The following WNT7B variants were observed in gnomAD, a reference collection of about 807,000 sequenced individuals.
The protein encoded by WNT7B is Wnt family member 7B.
Under a neutral mutation model 38.2 loss-of-function variants are expected in WNT7B, and 19 were observed. That is an observed-to-expected ratio of 0.50 (90% CI 0.35 to 0.73). The LOEUF is 0.73. Ranked by LOEUF, WNT7B falls within the 30% of genes least tolerant of loss-of-function variation. WNT7B has a pLI of 0.01. For missense variants in WNT7B, 423 were observed against 507.9 expected, an observed-to-expected ratio of 0.83 and a Z score of 1.61; for synonymous variants, 243 against 209.3, an observed-to-expected ratio of 1.16 and a Z score of -1.39.
At chr22:45,972,078 C>A in intron 1 of WNT7B, 1 of 539,518 alleles carries the variant, frequency 1.9e-6, no homozygotes, top group South Asian at 2.3e-5. Context: ...TGCCGCGTTC[C>A]CTGCCCGCCC....
At chr22:45,928,634 T>TCTCCCCAAGGGCCAGTCCTGC (rs139335729) in intron 3 of WNT7B, among the ~76,000 whole-genome samples, 11,051 of 151,902 alleles carry the variant, frequency 0.073, 466 homozygotes, top group Middle Eastern at 0.17. Flanking sequence ...CCACCTCCTG[T>TCTCCCCAAGGGCCAGTCCTGC]CTCCATTTCC....
intron 2 of WNT7B, among the ~76,000 whole-genome samples, chr22:45,937,221 C>T (rs940945413): frequency 1.3e-5 from 2 of 152,176 alleles, no homozygotes; most frequent in African/African-American, 4.8e-5. Flanking sequence ...AATGGGGGAT[C>T]CAGGACATGA....
intron 1 of WNT7B, among the ~76,000 whole-genome samples, chr22:45,957,784 C>T (rs375113352): frequency 6.6e-6 from 1 of 151,830 alleles, no homozygotes; most frequent in African/African-American, 2.4e-5. Flanking sequence ...GTGCCTAGCC[C>T]GCACGGGGGG....
rs1463408937 is a variant in WNT7B at position 45,922,955 on chromosome 22, C to T, written c.951G>A (p.Gln317=). ...MCCGRGYNTH[Q]YTKVWQCNCK... The stretch of plus-strand genomic sequence containing the variant: ...AGTTGCACTGCCACACCTTGGTGTA[C>T]TGGTGGGTGTTGTAGCCTCGGCCGC... The change falls in exon 4 of 4, where the codon CAG becomes CAA. Residue 317 remains glutamine (Q), a synonymous_variant. Coordinates refer to ENST00000339464, the MANE Select transcript of WNT7B (RefSeq NM_058238.3). 1 of 1,613,434 alleles carries T rather than the reference C, an allele frequency of 6.2e-7. No individual in the cohort carries two copies. Among genetic ancestry groups the T allele is most frequent in the Non-Finnish European group, 8.5e-7 (1 of 1,179,868 alleles).
intron 2 of WNT7B, among the ~76,000 whole-genome samples, chr22:45,937,304 G>A (rs1030178101): frequency 6.6e-6 from 1 of 152,260 alleles, no homozygotes; most frequent in Non-Finnish European, 1.5e-5. Flanking sequence ...TGGAAGCAAG[G>A]GGGAGGCTCA....
chr22:45,964,560 G>A (rs1932271120), intron 1 of WNT7B, among the ~76,000 whole-genome samples: 1 of 152,156 alleles, frequency 6.6e-6, no homozygotes, highest in Admixed American at 6.5e-5. Flanking sequence ...CAGTGGTGAA[G>A]TCACCCTGGG....
Position 45,975,606 on chromosome 22 carries a change from C to T in WNT7B, c.71+1078G>A, listed in dbSNP as rs1172886835. The T allele has an allele frequency of 1.7e-5, 12 of 716,084 alleles. No homozygotes were observed. Among genetic ancestry groups the T allele is most frequent in the African/African-American group, 3.5e-5 (2 of 57,260 alleles). The allele number at this position is 716,084 out of a possible 1,614,324, so 44.4% of individuals were successfully genotyped here. On this transcript the variant is annotated intron_variant, in intron 1 of 3. Coordinates refer to ENST00000339464, the MANE Select transcript of WNT7B (RefSeq NM_058238.3). This position sits in a 1 kb window ranked among gnomAD's most constrained non-coding sequence, Gnocchi z 6.6. Reference sequence around the variant, plus strand: ...ATGGAGAGACGATTCCCAGCGCCTGCTTCCACCTCTCCGCCTGGGAAGCCG... The same window carrying T: ...ATGGAGAGACGATTCCCAGCGCCTGTTTCCACCTCTCCGCCTGGGAAGCCG...
At chr22:45,943,685 C>A (rs1047268228) in intron 2 of WNT7B, among the ~76,000 whole-genome samples, 1 of 152,194 alleles carries the variant, frequency 6.6e-6, no homozygotes, top group African/African-American at 2.4e-5. Flanking sequence ...GGCAACATGG[C>A]CTTGGGTAAG....
chr22:45,969,233 G>A (rs1569126101), intron 1 of WNT7B, among the ~76,000 whole-genome samples: 1 of 152,232 alleles, frequency 6.6e-6, no homozygotes, highest in Non-Finnish European at 1.5e-5. Context: ...CAGGTGGTCG[G>A]TGAGTAACCG....
At chr22:45,967,825 A>G (rs1184434656) in intron 1 of WNT7B, among the ~76,000 whole-genome samples, 1 of 152,034 alleles carries the variant, frequency 6.6e-6, no homozygotes, top group Admixed American at 6.5e-5. Context: ...GCGCCTCAAA[A>G]ATCACCAACT....
Position 45,966,383 on chromosome 22 carries a change from C to G in WNT7B, c.71+10301G>C, listed in dbSNP as rs922888965. 9.9e-5 allele frequency among the ~76,000 whole-genome samples: 15 copies of G among 152,236 alleles called. No homozygotes were observed. The highest frequency in any genetic ancestry group is 3.6e-4 in the African/African-American group (15 of 41,464). On this transcript the variant is annotated intron_variant, in intron 1 of 3. Coordinates refer to ENST00000339464, the MANE Select transcript of WNT7B (RefSeq NM_058238.3). The surrounding 1 kb of genome is among the most constrained non-coding windows in gnomAD (Gnocchi z 4.2). Reference sequence around the variant, plus strand: ...ACTGCGCGGAGGCCAGCTGAGACACCACCAGTCCTTGTGCCCGGGCTCCCT... The same window carrying G: ...ACTGCGCGGAGGCCAGCTGAGACACGACCAGTCCTTGTGCCCGGGCTCCCT...
rs568579696 is a variant in WNT7B at position 45,938,063 on chromosome 22, TAGAA to T, written c.299-6698_299-6695del. Among the ~76,000 whole-genome samples, 8 of 152,016 alleles carry T rather than the reference TAGAA, an allele frequency of 5.3e-5. No homozygotes were observed. The East Asian group carries it at 1.4e-3, about 26-fold the overall frequency. On this transcript the variant is annotated intron_variant, in intron 2 of 3. Transcript: ENST00000339464. The stretch of plus-strand genomic sequence containing the variant: ...ATAATAAAATGGTTAACAACTCAAT[TAGAA>T]AGGACAAAGACTAACGGGTGAAGGG...
chr22:45,945,427 A>G (rs1315769242), intron 2 of WNT7B, among the ~76,000 whole-genome samples: 1 of 152,242 alleles, frequency 6.6e-6, no homozygotes, highest in East Asian at 1.9e-4. Context: ...TATATCCAAA[A>G]TCTTACCATC....
chr22:45,953,450 G>A (rs772501987), intron 1 of WNT7B, among the ~76,000 whole-genome samples: 28 of 152,230 alleles, frequency 1.8e-4, no homozygotes, highest in Non-Finnish European at 4.1e-4. Context: ...GGGCTGCCGG[G>A]TGTGGCCATC....
At chr22:45,947,107 C>G (rs1371832061) in intron 2 of WNT7B, among the ~76,000 whole-genome samples, 1 of 152,232 alleles carries the variant, frequency 6.6e-6, no homozygotes, top group Non-Finnish European at 1.5e-5. Flanking sequence ...CATGACTCCC[C>G]GCAGCTGAGC....
At chr22:45,925,664 A>C in intron 3 of WNT7B, 1 of 985,094 alleles carries the variant, frequency 1.0e-6, no homozygotes. Flanking sequence ...CCCTCCACTA[A>C]CCTGCCCTTC....
chr22:45,955,235 C>T (rs144053548), intron 1 of WNT7B, among the ~76,000 whole-genome samples: 243 of 152,358 alleles, frequency 1.6e-3, no homozygotes, highest in African/African-American at 5.6e-3. Context: ...CCCTGCCACA[C>T]CCCAGGCCTG....
chr22:45,971,057 G>T (rs1296590893), intron 1 of WNT7B, among the ~76,000 whole-genome samples: 1 of 152,172 alleles, frequency 6.6e-6, no homozygotes, highest in Non-Finnish European at 1.5e-5. Flanking sequence ...AAACTGGTAG[G>T]ATAGTAATTT....
intron 1 of WNT7B, among the ~76,000 whole-genome samples, chr22:45,969,162 G>A (rs1010858694): frequency 6.6e-6 from 1 of 152,220 alleles, no homozygotes; most frequent in Non-Finnish European, 1.5e-5. Flanking sequence ...CACAGCGGTG[G>A]AGCCGGGAAG....
Sources: gnomAD v4.1 joint callset for allele counts (sites outside exome capture counted in the v4.1 genomes callset) on GRCh38, gnomAD v4.1.1 for gene constraint, Gnocchi (gnomAD v3.1) non-coding constraint, MANE v1.5 for transcripts, NCBI Gene and HGNC (gene_info 2026-07-23, HGNC 2026-07-21) for gene names.